PTPN12: variants seen among roughly 807,000 people sequenced by gnomAD.
PTPN12 encodes the protein protein tyrosine phosphatase non-receptor type 12, also known as tyrosine-protein phosphatase non-receptor type 12.
Under a neutral mutation model 97.6 loss-of-function variants are expected in PTPN12, and 29 were observed. The observed-to-expected ratio is 0.30, with a 90% CI of 0.22 to 0.41. The LOEUF (loss-of-function observed/expected upper bound fraction) is 0.41. Ranked by LOEUF, PTPN12 falls within the 10% of genes least tolerant of loss-of-function variation. The probability of loss-of-function intolerance (pLI) is 1.00; values close to 1 mark genes in which losing one functional copy is unlikely to be tolerated. For synonymous variants in PTPN12, 327 were observed against 300.4 expected, an observed-to-expected ratio of 1.09 and a Z score of -0.91; for missense variants, 819 against 926.0, an observed-to-expected ratio of 0.88 and a Z score of 1.50.
At chr7:77,616,949 A>G (rs955337333) in intron 11 of PTPN12, among the ~76,000 whole-genome samples, 1 of 152,026 alleles carries the variant, frequency 6.6e-6, no homozygotes, top group Non-Finnish European at 1.5e-5. Flanking sequence ...CGCCTGGCTA[A>G]TTTTTGTATT....
At chr7:77,570,937 G>T in intron 1 of PTPN12, 141 bp from the exon 2 acceptor site, 2 of 521,664 alleles carry the variant, frequency 3.8e-6, no homozygotes, top group Non-Finnish European at 6.8e-6. Flanking sequence ...TATCCTTGGG[G>T]TTAATTATTA....
At position 77,627,164 on chromosome 7, in the gene PTPN12, T is replaced by C. The variant is rs779929876; in HGVS notation, c.1485T>C (p.Cys495=). The C allele has an allele frequency of 1.3e-5, 21 of 1,614,084 alleles. No homozygotes were observed. In the South Asian group the frequency reaches 2.2e-4, roughly 17 times the overall value. Residue 495 remains cysteine (C), a synonymous_variant, in exon 13 of 18, where the codon TGT becomes TGC. Coordinates refer to ENST00000248594, the MANE Select transcript of PTPN12 (RefSeq NM_002835.4). ...LNVGDTSQNS[C]VDCSVTQSNK... ...TCGGTGATACTTCCCAGAATTCTTG[T>C]GTGGACTGCAGTGTAACACAATCAA...
intron 16 of PTPN12, among the ~76,000 whole-genome samples, chr7:77,637,770 T>G (rs1367519173): frequency 7.3e-6 from 1 of 137,196 alleles, no homozygotes; most frequent in Non-Finnish European, 1.5e-5. Context: ...GGCAGGAGAA[T>G]CCCTTGAACC....
Position 77,627,090 on chromosome 7 carries a change from A to G in PTPN12, c.1411A>G (p.Ile471Val), listed in dbSNP as rs78997339. The change falls in exon 13 of 18, where the codon ATA becomes GTA. Residue 471 changes from isoleucine (I) to valine (V), a missense_variant. Transcript: ENST00000248594. ...TAAAATTAAATCTGCTTCACCTTGT[A>G]TAGCTGATAAAATCTCTAAGCCACA... is the stretch of plus-strand genomic sequence containing the variant. ...AIKIKSASPC[I>V]ADKISKPQEL... The G allele has an allele frequency of 4.3e-3, 6,906 of 1,614,176 alleles. 317 individuals carry two copies. The Admixed American group carries it at 0.093, about 22-fold the overall frequency.
In PTPN12 at chr7:77,583,053, T is replaced by G. The variant is rs1032483023; in HGVS notation, c.286-502T>G. Among the ~76,000 whole-genome samples the G allele has an allele frequency of 1.1e-4, 17 of 152,328 alleles. No individual in the cohort carries two copies. In the East Asian group the frequency reaches 1.5e-3, roughly 14 times the overall value. On this transcript the variant is annotated intron_variant, in intron 3 of 17. Transcript: ENST00000248594. The stretch of plus-strand genomic sequence containing the variant: ...GTCAGTTATGTACCAGTTTAGTATT[T>G]TAGTCAGTGACATTGTTTGGTTTAT...
intron 1 of PTPN12, among the ~76,000 whole-genome samples, chr7:77,538,546 C>T (rs1343220457): frequency 6.6e-6 from 1 of 151,798 alleles, no homozygotes; most frequent in African/African-American, 2.4e-5. Flanking sequence ...CCCCCGCCTC[C>T]GCCACCCCCT....
chr7:77,575,118 G>C (rs1787297957), intron 2 of PTPN12, among the ~76,000 whole-genome samples: 1 of 152,140 alleles, frequency 6.6e-6, no homozygotes, highest in Admixed American at 6.5e-5. Flanking sequence ...ACTGGTGTGA[G>C]CCACTGCACC....
intron 16 of PTPN12, among the ~76,000 whole-genome samples, chr7:77,638,182 T>A (rs1335556340): frequency 1.3e-5 from 2 of 151,726 alleles, no homozygotes; most frequent in African/African-American, 4.8e-5. Flanking sequence ...ATGATCTCGA[T>A]ATCCTGACCT....
chr7:77,549,874 C>T (rs562330018), intron 1 of PTPN12, among the ~76,000 whole-genome samples: 1 of 152,262 alleles, frequency 6.6e-6, no homozygotes, highest in East Asian at 1.9e-4. Flanking sequence ...GCGACTGTGC[C>T]TGGCCCTAAG....
intron 8 of PTPN12, among the ~76,000 whole-genome samples, chr7:77,602,207 A>G (rs571924478): frequency 2.0e-5 from 3 of 152,266 alleles, no homozygotes; most frequent in African/African-American, 7.2e-5. Context: ...AATGTATAAT[A>G]TATTTTAGCT....
intron 8 of PTPN12, among the ~76,000 whole-genome samples, chr7:77,601,423 G>A (rs1379803517): frequency 4.6e-5 from 7 of 152,002 alleles, no homozygotes; most frequent in African/African-American, 1.5e-4. Flanking sequence ...AGGCTGATCC[G>A]AACTCCTGTC....
At chr7:77,574,901 G>A (rs954355182) in intron 2 of PTPN12, among the ~76,000 whole-genome samples, 1 of 151,376 alleles carries the variant, frequency 6.6e-6, no homozygotes, top group Admixed American at 6.6e-5. Flanking sequence ...GTGGGATCTC[G>A]GCTCACTGCA....
At position 77,627,253 on chromosome 7, in the gene PTPN12, G is replaced by A. The variant is rs1314639373; in HGVS notation, c.1574G>A (p.Arg525His). 4 of 1,613,846 alleles carry A rather than the reference G, an allele frequency of 2.5e-6. No individual in the cohort carries two copies. The highest frequency in any genetic ancestry group is 1.3e-5 in the African/African-American group (1 of 74,884). The change falls in exon 13 of 18, where the codon CGC (arginine) becomes CAC (histidine). Residue 525 changes from arginine (R) to histidine (H), a missense_variant. Coordinates refer to ENST00000248594, the MANE Select transcript of PTPN12 (RefSeq NM_002835.4). ...TCAGACACACCTCCAAGGCCAGACC[G>A]CTTGCCTCTTGATGAGAAAGGACAT... ...QNSDTPPRPD[R>H]LPLDEKGHVT...
intron 1 of PTPN12, among the ~76,000 whole-genome samples, chr7:77,562,914 A>G (rs1011047115): frequency 6.6e-6 from 1 of 150,712 alleles, no homozygotes; most frequent in Admixed American, 6.7e-5. Flanking sequence ...TCACGAAGGG[A>G]CAGGAGAGAA....
intron 12 of PTPN12, 65 bp from the exon 13 acceptor site, chr7:77,626,640 A>C (rs1789195625): frequency 6.7e-7 from 1 of 1,482,504 alleles, no homozygotes; most frequent in East Asian, 2.3e-5. Context: ...TCTTAGCTAC[A>C]TAATTCTCAG....
At chr7:77,623,280 A>G (rs144231309) in intron 12 of PTPN12, among the ~76,000 whole-genome samples, 1 of 152,340 alleles carries the variant, frequency 6.6e-6, no homozygotes, top group African/African-American at 2.4e-5. Context: ...TAACAAACCC[A>G]TATATCATAC....
intron 15 of PTPN12, among the ~76,000 whole-genome samples, chr7:77,636,577 G>C (rs1789601090): frequency 6.6e-6 from 1 of 152,082 alleles, no homozygotes; most frequent in African/African-American, 2.4e-5. Flanking sequence ...GTGAGACCCT[G>C]TCTCAGCAAC....
At chr7:77,600,870 T>C in intron 8 of PTPN12, 64 bp downstream of exon 8, 1 of 1,343,246 alleles carries the variant, frequency 7.4e-7, no homozygotes, top group Non-Finnish European at 1.0e-6. Context: ...CAAGGTTTTA[T>C]TTCTGCATTA....
rs1163443788 is a variant in PTPN12 at position 77,593,234 on chromosome 7, A to G, written c.492+978A>G. Among the ~76,000 whole-genome samples, 4 of 150,754 alleles carry G rather than the reference A, an allele frequency of 2.7e-5. No individual in the cohort carries two copies. The East Asian group carries it at 7.8e-4, about 29-fold the overall frequency. The stretch of plus-strand genomic sequence containing the variant: ...CAGTGAGCTGAAATTGCACCACTGC[A>G]CTCCAGTCTGGGCGACAAGGGTGAA... On this transcript the variant is annotated intron_variant, in intron 6 of 17. Coordinates refer to ENST00000248594, the MANE Select transcript of PTPN12 (RefSeq NM_002835.4).
Sources: allele counts gnomAD v4.1 joint callset (sites outside exome capture counted in the v4.1 genomes callset), GRCh38; gene constraint gnomAD v4.1.1; transcripts MANE v1.5; gene names NCBI Gene and HGNC (gene_info 2026-07-23, HGNC 2026-07-21).